The following CDKAL1 variants were observed in gnomAD, a reference collection of about 807,000 sequenced individuals.
CDKAL1 encodes the protein threonylcarbamoyladenosine tRNA methylthiotransferase.
In CDKAL1, 32 loss-of-function variants were observed where a neutral mutation model predicts 68.2. That is an observed-to-expected ratio of 0.47 (90% CI 0.35 to 0.63). The LOEUF is 0.63. Ranked by LOEUF, CDKAL1 falls within the 30% of genes least tolerant of loss-of-function variation. The pLI is 0.00. For missense variants in CDKAL1, 606 were observed against 696.7 expected, an observed-to-expected ratio of 0.87 and a Z score of 1.47; for synonymous variants, 234 against 244.3, an observed-to-expected ratio of 0.96 and a Z score of 0.39.
intron 10 of CDKAL1, among the ~76,000 whole-genome samples, chr6:20,980,247 AT>A (rs1282965183): frequency 2.3e-4 from 35 of 151,670 alleles, no homozygotes; most frequent in Non-Finnish European, 3.8e-4. Flanking sequence ...ATAGATATAG[AT>A]TTTTTTTGAG....
chr6:20,735,593 A>C (rs1378973852), intron 5 of CDKAL1, among the ~76,000 whole-genome samples: 5 of 152,184 alleles, frequency 3.3e-5, no homozygotes, highest in African/African-American at 1.2e-4. Context: ...ACACAGCCAA[A>C]CCATATCAAT....
rs146349611 is a variant in CDKAL1, at chr6:20,683,810, A to G, written c.371+34433A>G. On this transcript the variant is annotated intron_variant, in intron 5 of 15. Coordinates refer to ENST00000274695, the MANE Select transcript of CDKAL1 (RefSeq NM_017774.3). ...TTTTGACAAATGAATAATGACATGTATCCACCATTATTGTATCATACAGAG... is the reference window on the plus strand; with the variant it reads ...TTTTGACAAATGAATAATGACATGTGTCCACCATTATTGTATCATACAGAG... 3.7e-3 allele frequency among the ~76,000 whole-genome samples: 563 copies of G among 152,356 alleles called. 5 individuals are homozygous for G. Among genetic ancestry groups the G allele is most frequent in the African/African-American group, 0.013 (539 of 41,592 alleles).
intron 5 of CDKAL1, among the ~76,000 whole-genome samples, chr6:20,665,284 A>G (rs942595757): frequency 1.3e-5 from 2 of 152,170 alleles, no homozygotes; most frequent in African/African-American, 4.8e-5. Flanking sequence ...CACACACATA[A>G]TTAACAAATC....
intron 13 of CDKAL1, among the ~76,000 whole-genome samples, chr6:21,160,481 A>G (rs528510985): frequency 5.3e-5 from 8 of 151,122 alleles, no homozygotes; most frequent in African/African-American, 1.7e-4. Flanking sequence ...CATTTTTAGT[A>G]GAGACGGGGT....
At chr6:20,984,055 C>T (rs533952215) in intron 10 of CDKAL1, among the ~76,000 whole-genome samples, 2 of 152,250 alleles carry the variant, frequency 1.3e-5, no homozygotes, top group East Asian at 1.9e-4. Flanking sequence ...AATCTAAGAT[C>T]GCGTGAAGTA....
chr6:21,022,885 G>A (rs957119042), intron 11 of CDKAL1, among the ~76,000 whole-genome samples: 2 of 152,166 alleles, frequency 1.3e-5, no homozygotes. Context: ...TATCTGTACA[G>A]CACTTAATGC....
At chr6:20,735,202 T>C (rs910254825) in intron 5 of CDKAL1, among the ~76,000 whole-genome samples, 4 of 152,098 alleles carry the variant, frequency 2.6e-5, no homozygotes, top group African/African-American at 7.2e-5. Flanking sequence ...TTTCAACTTT[T>C]ATTTTAGATT....
At chr6:21,199,056 T>C (rs76858836) in intron 14 of CDKAL1, among the ~76,000 whole-genome samples, 3 of 152,314 alleles carry the variant, frequency 2.0e-5, no homozygotes, top group African/African-American at 7.2e-5. Flanking sequence ...TAAAATCAAA[T>C]GGAGCTTCCT....
chr6:20,842,966 T>A (rs545133096), intron 8 of CDKAL1, among the ~76,000 whole-genome samples: 8 of 152,344 alleles, frequency 5.3e-5, no homozygotes, highest in African/African-American at 1.9e-4. Flanking sequence ...ATTATAAATG[T>A]TTCAGAATAT....
chr6:21,108,280 T>TAAA (rs77019216), intron 12 of CDKAL1, 121 bp from the exon 13 acceptor site: 655 of 455,410 alleles, frequency 1.4e-3, no homozygotes, highest in Middle Eastern at 3.0e-3. Context: ...AAGAATCTCT[T>TAAA]AAAAAAAAAA....
intron 5 of CDKAL1, among the ~76,000 whole-genome samples, chr6:20,662,926 A>G (rs1562006910): frequency 6.6e-6 from 1 of 152,186 alleles, no homozygotes; most frequent in African/African-American, 2.4e-5. Context: ...TTTTTCGTAC[A>G]TATTGCAAAG....
rs931624389 is a variant in CDKAL1, at chr6:20,634,038, T to A, written c.287-15255T>A. On this transcript the variant is annotated intron_variant, in intron 4 of 15. Coordinates refer to ENST00000274695, the MANE Select transcript of CDKAL1 (RefSeq NM_017774.3). Reference sequence around the variant, plus strand: ...CTTTTAAGATGTCTCTTTAAAATTCTATACTCTAGAATTGGTGCCGATCCT... The same window carrying A: ...CTTTTAAGATGTCTCTTTAAAATTCAATACTCTAGAATTGGTGCCGATCCT... 6.6e-5 allele frequency among the ~76,000 whole-genome samples: 10 copies of A among 152,256 alleles called. 1 individual carries two copies. Among genetic ancestry groups the A allele is most frequent in the Admixed American group, 5.9e-4 (9 of 15,286 alleles).
intron 5 of CDKAL1, among the ~76,000 whole-genome samples, chr6:20,658,528 A>G (rs1296406762): frequency 6.6e-6 from 1 of 151,964 alleles, no homozygotes; most frequent in African/African-American, 2.4e-5. Context: ...TGAGCAAAAC[A>G]TAAATTATTG....
chr6:20,657,922 G>T (rs1769102342), intron 5 of CDKAL1, among the ~76,000 whole-genome samples: 2 of 152,248 alleles, frequency 1.3e-5, no homozygotes, highest in African/African-American at 4.8e-5. Flanking sequence ...ATGCATACTA[G>T]TTCCTCTTGA....
intron 5 of CDKAL1, among the ~76,000 whole-genome samples, chr6:20,709,159 G>C (rs889653615): frequency 6.6e-6 from 1 of 152,008 alleles, no homozygotes; most frequent in African/African-American, 2.4e-5. Flanking sequence ...TTAGTTTTCT[G>C]AGAGTTTCCC....
intron 5 of CDKAL1, among the ~76,000 whole-genome samples, chr6:20,714,642 C>CA (rs1772007202): frequency 6.6e-6 from 1 of 151,958 alleles, no homozygotes; most frequent in Non-Finnish European, 1.5e-5. Flanking sequence ...CTGAGCCATT[C>CA]ACCTGATATG....
At chr6:20,867,962 G>A (rs571323956) in intron 9 of CDKAL1, among the ~76,000 whole-genome samples, 2 of 152,242 alleles carry the variant, frequency 1.3e-5, no homozygotes, top group South Asian at 2.1e-4. Flanking sequence ...ACATCTATAT[G>A]GATGTATAGA....
intron 4 of CDKAL1, among the ~76,000 whole-genome samples, chr6:20,601,267 T>A (rs1766084923): frequency 6.6e-6 from 1 of 152,290 alleles, no homozygotes; most frequent in East Asian, 1.9e-4. Flanking sequence ...TATAGCTTCA[T>A]CCAATGTCAT....
intron 6 of CDKAL1, among the ~76,000 whole-genome samples, chr6:20,750,951 G>GAAAAAAAAAA (rs59244637): frequency 1.3e-4 from 6 of 47,082 alleles, no homozygotes; most frequent in Middle Eastern, 0.023. Flanking sequence ...GCAACAGAGT[G>GAAAAAAAAAA]AAAAAAAAAA....
Sources: allele counts gnomAD v4.1 joint callset (sites outside exome capture counted in the v4.1 genomes callset), GRCh38; gene constraint gnomAD v4.1.1; transcripts MANE v1.5; gene names NCBI Gene and HGNC (gene_info 2026-07-23, HGNC 2026-07-21).